The following ROR1 variants were observed in gnomAD, a reference collection of about 807,000 sequenced individuals.
The protein encoded by ROR1 is inactive tyrosine-protein kinase transmembrane receptor ROR1.
In ROR1, 19 loss-of-function variants were observed where a neutral mutation model predicts 78.8. The ratio of observed to expected loss-of-function variants is 0.24; its 90% CI spans 0.17 to 0.35. The LOEUF (loss-of-function observed/expected upper bound fraction) is 0.35. Ranked by LOEUF, ROR1 falls within the 10% of genes least tolerant of loss-of-function variation. The probability of loss-of-function intolerance (pLI) is 1.00; values close to 1 mark genes in which losing one functional copy is unlikely to be tolerated. For missense variants in ROR1, 917 were observed against 1,177.8 expected (o/e 0.78, Z 3.24); for synonymous variants, 386 against 433.6 (o/e 0.89, Z 1.36).
chr1:64,011,974 T>C (rs1367731417), intron 2 of ROR1, among the ~76,000 whole-genome samples: 1 of 152,214 alleles, frequency 6.6e-6, no homozygotes, highest in Non-Finnish European at 1.5e-5. Flanking sequence ...GATTGAGCTT[T>C]CAAGAGACAC....
intron 1 of ROR1, among the ~76,000 whole-genome samples, chr1:63,983,651 T>G (rs1218267815): frequency 6.6e-6 from 1 of 152,206 alleles, no homozygotes; most frequent in East Asian, 1.9e-4. Context: ...TGGGTTGATT[T>G]AGGATGACAT....
chr1:63,806,216 C>T (rs1178092130), intron 1 of ROR1, among the ~76,000 whole-genome samples: 1 of 152,112 alleles, frequency 6.6e-6, no homozygotes, highest in Non-Finnish European at 1.5e-5. Flanking sequence ...TAACTTGTTA[C>T]ATAGCCTGGT....
chr1:64,007,009 A>G (rs1646433114), intron 1 of ROR1, among the ~76,000 whole-genome samples: 1 of 152,006 alleles, frequency 6.6e-6, no homozygotes, highest in Non-Finnish European at 1.5e-5. Context: ...CTCTGTGAAA[A>G]GGTGAGGCCA....
At chr1:64,101,218 A>G (rs1197610744) in intron 4 of ROR1, among the ~76,000 whole-genome samples, 1 of 152,128 alleles carries the variant, frequency 6.6e-6, no homozygotes, top group African/African-American at 2.4e-5. Context: ...AAAAACCTTA[A>G]ACTGGGACAT....
chr1:63,917,589 C>A lies in ROR1; in HGVS notation c.92-91716C>A, dbSNP rs111690688. 9.0e-3 allele frequency among the ~76,000 whole-genome samples: 1,377 copies of A among 152,202 alleles called. 19 individuals are homozygous for A. The highest frequency in any genetic ancestry group is 0.031 in the African/African-American group (1,283 of 41,542). On this transcript the variant is annotated intron_variant, in intron 1 of 8. Coordinates refer to ENST00000371079, the MANE Select transcript of ROR1 (RefSeq NM_005012.4). ...ATCTATTGTTTCATGGAAACCGATG[C>A]AAAATTATAAAAAATTAAATCATTT...
At chr1:63,898,020 C>T (rs1645453882) in intron 1 of ROR1, among the ~76,000 whole-genome samples, 1 of 152,144 alleles carries the variant, frequency 6.6e-6, no homozygotes, top group African/African-American at 2.4e-5. Context: ...GCCTTTTTGG[C>T]CGGAGCTCAT....
chr1:63,782,332 G>A (rs533050706), intron 1 of ROR1, among the ~76,000 whole-genome samples: 3 of 152,128 alleles, frequency 2.0e-5, no homozygotes, highest in African/African-American at 7.2e-5. Context: ...AATTTTTGTC[G>A]CTTGTAGGCT....
chr1:63,787,487 TTCCTG>T (rs1390586988), intron 1 of ROR1, among the ~76,000 whole-genome samples: 72 of 150,246 alleles, frequency 4.8e-4, no homozygotes, highest in African/African-American at 1.7e-3. Context: ...CCTTCCTGCC[TTCCTG>T]CCTTCCTGAC....
At chr1:64,079,762 A>G (rs954348905) in intron 4 of ROR1, among the ~76,000 whole-genome samples, 1 of 152,232 alleles carries the variant, frequency 6.6e-6, no homozygotes, top group Admixed American at 6.5e-5. Flanking sequence ...GATTATAAGC[A>G]TGAGCCACCG....
chr1:63,889,691 T>C (rs558629123), intron 1 of ROR1, among the ~76,000 whole-genome samples: 2 of 152,328 alleles, frequency 1.3e-5, no homozygotes, highest in East Asian at 3.9e-4. Flanking sequence ...AGATTCATGA[T>C]GGAAGTTCAA....
intron 7 of ROR1, among the ~76,000 whole-genome samples, chr1:64,146,282 C>A (rs962496809): frequency 6.6e-6 from 1 of 152,130 alleles, no homozygotes; most frequent in Non-Finnish European, 1.5e-5. Context: ...TCAAGACCAG[C>A]CTGGCCAACA....
intron 4 of ROR1, among the ~76,000 whole-genome samples, chr1:64,134,232 T>A (rs1168096864): frequency 1.3e-5 from 2 of 152,198 alleles, no homozygotes; most frequent in Non-Finnish European, 2.9e-5. Context: ...GTTGTTGGGA[T>A]AAAATGACTT....
chr1:63,817,915 A>G (rs1455292646), intron 1 of ROR1, among the ~76,000 whole-genome samples: 3 of 152,190 alleles, frequency 2.0e-5, no homozygotes, highest in African/African-American at 7.2e-5. Flanking sequence ...TCTGAAGCCC[A>G]TAGAGAAATG....
chr1:63,789,674 CTTTTTTTTTT>C (rs902307163), intron 1 of ROR1, among the ~76,000 whole-genome samples: 1 of 102,586 alleles, frequency 9.7e-6, no homozygotes, highest in Non-Finnish European at 2.0e-5. Flanking sequence ...CCTTCCTCTC[CTTTTTTTTTT>C]TTTTTTTTTT....
chr1:64,160,220 TTAAC>T (rs1395510611), intron 8 of ROR1, among the ~76,000 whole-genome samples: 2 of 152,136 alleles, frequency 1.3e-5, no homozygotes, highest in African/African-American at 4.8e-5. Flanking sequence ...CACACTCAAA[TTAAC>T]TAATCCTCTT....
rs558011901 is a variant in ROR1, at chr1:64,179,971, G to A, written c.*1116G>A. On this transcript the variant is annotated 3_prime_UTR_variant, in exon 9 of 9. Transcript: ENST00000371079. ...TTCACAGATTTGATTCCCGCCCCAA[G>A]AATTACAACAATGTATTCATACAGT... 2.6e-5 allele frequency: 4 copies of A among 152,186 alleles called. No individual in the cohort carries two copies. In the East Asian group the frequency reaches 7.7e-4, roughly 29 times the overall value. The allele number at this position is 152,186 out of a possible 1,614,324, so 9.4% of individuals were successfully genotyped here.
chr1:63,829,055 A>C (rs1260854055), intron 1 of ROR1, among the ~76,000 whole-genome samples: 4 of 152,366 alleles, frequency 2.6e-5, no homozygotes, highest in African/African-American at 9.6e-5. Context: ...GAGCTCCACC[A>C]GGACAGGTGT....
At chr1:63,826,731 G>C (rs1644955855) in intron 1 of ROR1, among the ~76,000 whole-genome samples, 1 of 151,784 alleles carries the variant, frequency 6.6e-6, no homozygotes, top group African/African-American at 2.4e-5. Flanking sequence ...TGGAGAAAAA[G>C]GAATGCTTTC....
chr1:63,831,056 G>A (rs1644985191), intron 1 of ROR1, among the ~76,000 whole-genome samples: 1 of 152,200 alleles, frequency 6.6e-6, no homozygotes, highest in Non-Finnish European at 1.5e-5. Flanking sequence ...GCAAGAGGTG[G>A]GCTCCCAAGG....
Sources: allele counts gnomAD v4.1 joint callset (sites outside exome capture counted in the v4.1 genomes callset), GRCh38; gene constraint gnomAD v4.1.1; transcripts MANE v1.5; gene names NCBI Gene and HGNC (gene_info 2026-07-23, HGNC 2026-07-21).